The following SPG7 variants were observed in gnomAD, a reference collection of about 807,000 sequenced individuals.
The protein encoded by SPG7 is mitochondrial inner membrane m-AAA protease component paraplegin.
In SPG7, 103 loss-of-function variants were observed where a neutral mutation model predicts 81.9. That is an observed-to-expected ratio of 1.26 (90% CI 1.07 to 1.48). The LOEUF (loss-of-function observed/expected upper bound fraction) is 1.48. SPG7 is among the 40% of genes most tolerant of loss of function. The pLI, the probability that SPG7 is intolerant of heterozygous loss-of-function variation, is 0.00. For missense variants in SPG7, 1,241 were observed against 1,087.3 expected, an observed-to-expected ratio of 1.14 and a Z score of -1.99; for synonymous variants, 534 against 444.2, an observed-to-expected ratio of 1.20 and a Z score of -2.54.
rs1212619935 is a variant in SPG7, at chr16:89,546,674, T to C, written c.1466T>C (p.Phe489Ser). Residue 489 changes from phenylalanine (F) to serine (S), a missense_variant, in exon 11 of 17, where the codon TTT becomes TCT. By Grantham distance (155) the Phe-to-Ser change is radical. Transcript: ENST00000645818. The stretch of plus-strand genomic sequence containing the variant: ...TTCTGGCAGGAGAGGCGGGAGATTT[T>C]TGAGCAGCACCTGAAGAGCCTGAAG... ...LPTLQERREI[F>S]EQHLKSLKLT... is the part of the protein sequence containing the mutation. The C allele has an allele frequency of 5.0e-6, 8 of 1,613,574 alleles. No homozygotes were observed. The highest frequency in any genetic ancestry group is 1.3e-5 in the African/African-American group (1 of 75,016).
chr16:89,551,062 A>G (rs899763108), intron 13 of SPG7: 10 of 239,516 alleles, frequency 4.2e-5, no homozygotes, highest in Non-Finnish European at 8.4e-5. Flanking sequence ...AACTGTCTCT[A>G]CTTCAAACAA....
intron 1 of SPG7, 34 bp from the exon 2 acceptor site, chr16:89,510,456 G>A (rs751394536): frequency 2.2e-5 from 29 of 1,337,640 alleles, no homozygotes; most frequent in Non-Finnish European, 3.0e-5. Flanking sequence ...TAATGTTGGT[G>A]TGACCTCCAG....
At chr16:89,556,017 G>C in intron 16 of SPG7, 1 of 398,742 alleles carries the variant, frequency 2.5e-6, no homozygotes. Flanking sequence ...TGCTCATCAC[G>C]GTTGACAAAG....
intron 9 of SPG7, chr16:89,541,789 G>T (rs771617997): frequency 6.6e-6 from 1 of 152,226 alleles, no homozygotes; most frequent in Admixed American, 6.5e-5. Flanking sequence ...CAGAAAGTCC[G>T]TATCCTGAAA....
chr16:89,526,373 G>C lies in SPG7; in HGVS notation c.663G>C (p.Lys221Asn), dbSNP rs575421836. Residue 221 changes from lysine (K) to asparagine (N), a missense_variant, in exon 5 of 17, where the codon AAG (lysine) becomes AAC (asparagine). Transcript: ENST00000645818. ...MYRMQVANID[K>N]FEEKLRAAED... is the part of the protein sequence containing the mutation. ...GAATGCAGGTTGCAAATATTGACAA[G>C]TTTGAAGAGAAGCTTCGAGCAGCTG... is the stretch of plus-strand genomic sequence containing the variant. The C allele has an allele frequency of 1.2e-6, 2 of 1,614,074 alleles. No homozygotes were observed. Among genetic ancestry groups the C allele is most frequent in the Non-Finnish European group, 1.7e-6 (2 of 1,180,040 alleles).
chr16:89,545,894 C>A, intron 10 of SPG7: 1 of 444,736 alleles, frequency 2.2e-6, no homozygotes, highest in Non-Finnish European at 4.5e-6. Context: ...GCGCTGTCAC[C>A]CAGGCTGGAG....
At position 89,553,153 on chromosome 16, in the gene SPG7, G is replaced by C. The variant is rs75437341; in HGVS notation, c.1936+18G>C. On this transcript the variant is annotated intron_variant, in intron 14 of 16. Coordinates refer to ENST00000645818, the MANE Select transcript of SPG7 (RefSeq NM_003119.4). Reference sequence around the variant, plus strand: ...CACTTCTGGTGAGGAGCAGCGGCGCGGGCCCTGGAGGTTTCAGAGCGCTTT... The same window carrying C: ...CACTTCTGGTGAGGAGCAGCGGCGCCGGCCCTGGAGGTTTCAGAGCGCTTT... 1.9e-6 allele frequency: 3 copies of C among 1,580,940 alleles called. No homozygotes were observed. The highest frequency in any genetic ancestry group is 2.6e-6 in the Non-Finnish European group (3 of 1,163,604).
At chr16:89,550,401 G>A in intron 12 of SPG7, 93 bp from the exon 13 acceptor site, 1 of 857,156 alleles carries the variant, frequency 1.2e-6, no homozygotes, top group Non-Finnish European at 2.0e-6. Flanking sequence ...TCGAACTCCT[G>A]TCCTCAGGTC....
Position 89,524,216 on chromosome 16 carries a change from T to G in SPG7, c.587T>G (p.Leu196Arg). ...GAGAGCGACGTGGTGGAAGTCTACC[T>G]GCACCCTGGAGCCGTGGTGTTTGGG... is the stretch of plus-strand genomic sequence containing the variant. Reference protein sequence around the residue: ...VPESDVVEVYLHPGAVVFGRP... With the variant: ...VPESDVVEVYRHPGAVVFGRP... The change falls in exon 4 of 17, where the codon CTG becomes CGG. Residue 196 changes from leucine (L) to arginine (R), a missense_variant. Leu to Arg is a moderately radical substitution (Grantham distance 102, BLOSUM62 -2). Coordinates refer to ENST00000645818, the MANE Select transcript of SPG7 (RefSeq NM_003119.4). 1.2e-6 allele frequency: 2 copies of G among 1,612,952 alleles called. No homozygotes were observed. Among genetic ancestry groups the G allele is most frequent in the Non-Finnish European group, 1.7e-6 (2 of 1,179,714 alleles).
At chr16:89,523,902 C>G (rs1169942495) in intron 3 of SPG7, 104 bp from the exon 4 acceptor site, 1 of 1,437,132 alleles carries the variant, frequency 7.0e-7, no homozygotes, top group African/African-American at 1.4e-5. Flanking sequence ...GTGCAGGACG[C>G]TGCCCCTCCC....
At chr16:89,555,983 G>C (rs1309521757) in intron 16 of SPG7, 1 of 398,822 alleles carries the variant, frequency 2.5e-6, no homozygotes, top group Non-Finnish European at 4.4e-6. Flanking sequence ...GTCCCCGGCT[G>C]AAGCAGGCCT....
At chr16:89,544,597 G>T in intron 9 of SPG7, 51 bp from the exon 10 acceptor site, 1 of 1,610,870 alleles carries the variant, frequency 6.2e-7, no homozygotes, top group Non-Finnish European at 8.5e-7. Context: ...GGGGAAATCT[G>T]TTGTGTCAGG....
Position 89,554,758 on chromosome 16 carries a change from C to A in SPG7, c.2181+195C>A. ...TATCCTGAACTCGTCAAGTGTGTTC[C>A]CCCGAGGTAGAAAGAAGGCTGCCAC... On this transcript the variant is annotated intron_variant, in intron 16 of 16. Coordinates refer to ENST00000645818, the MANE Select transcript of SPG7 (RefSeq NM_003119.4). The A allele has an allele frequency of 5.1e-6, 3 of 588,700 alleles. No individual in the cohort carries two copies. The South Asian group carries it at 5.5e-5, about 11-fold the overall frequency. 36.5% of individuals were successfully genotyped at this position (588,700 alleles called of 1,614,324 possible).
In SPG7 at chr16:89,552,926, T is replaced by C; in HGVS notation, c.1780-53T>C. 2.5e-6 allele frequency: 4 copies of C among 1,596,058 alleles called. No homozygotes were observed. The East Asian group carries it at 8.9e-5, about 36-fold the overall frequency. Reference sequence around the variant, plus strand: ...ACCTCTTAGTCCCACACCTTCCTCCTCAAAGCCCACGCATCCTGCCTACTG... The same window carrying C: ...ACCTCTTAGTCCCACACCTTCCTCCCCAAAGCCCACGCATCCTGCCTACTG... On this transcript the variant is annotated intron_variant, in intron 13 of 16. Coordinates refer to ENST00000645818, the MANE Select transcript of SPG7 (RefSeq NM_003119.4).
In SPG7 at chr16:89,513,044, T is replaced by TAA; in HGVS notation, c.376+7_376+8insAA. On this transcript the variant is annotated splice_region_variant and intron_variant, in intron 3 of 16. Transcript: ENST00000645818. ...GCGCCTGAAGAGGACGAAGGTATAT[T>TAA]CATCTGATGTTCTTCAGTCAGTAGC... 6.3e-7 allele frequency: 1 copy of TAA among 1,599,796 alleles called. No individual in the cohort carries two copies. Among genetic ancestry groups the TAA allele is most frequent in the Non-Finnish European group, 8.5e-7 (1 of 1,171,816 alleles).
intron 3 of SPG7, chr16:89,523,115 G>A (rs529811032): frequency 1.5e-4 from 24 of 157,678 alleles, no homozygotes; most frequent in African/African-American, 4.3e-4. Flanking sequence ...TAATGCCACC[G>A]TGTCTTCAGT....
At chr16:89,516,114 A>G (rs2058093104) in intron 3 of SPG7, among the ~76,000 whole-genome samples, 1 of 152,036 alleles carries the variant, frequency 6.6e-6, no homozygotes, top group Non-Finnish European at 1.5e-5. Context: ...CAACCTCACG[A>G]ATAGCTGGGA....
intron 9 of SPG7, among the ~76,000 whole-genome samples, chr16:89,534,849 G>A (rs961532249): frequency 5.3e-5 from 8 of 152,058 alleles, no homozygotes; most frequent in African/African-American, 9.7e-5. Flanking sequence ...AGGTGCTTCC[G>A]CCCCCCCGAT....
At chr16:89,519,378 CA>C (rs888767926) in intron 3 of SPG7, 2 of 151,570 alleles carry the variant, frequency 1.3e-5, no homozygotes, top group African/African-American at 4.9e-5. Flanking sequence ...CAGTTGCTAA[CA>C]TTTTTTTTTT....
Sources: gnomAD v4.1 joint callset for allele counts (sites outside exome capture counted in the v4.1 genomes callset) on GRCh38, gnomAD v4.1.1 for gene constraint, MANE v1.5 for transcripts, NCBI Gene and HGNC (gene_info 2026-07-23, HGNC 2026-07-21) for gene names.